The following DPP10 variants were observed in gnomAD, a reference collection of about 807,000 sequenced individuals.
DPP10 encodes the protein inactive dipeptidyl peptidase 10.
In DPP10, 33 loss-of-function variants were observed where a neutral mutation model predicts 120.9. The observed-to-expected ratio is 0.27, with a 90% CI of 0.21 to 0.37. The LOEUF (loss-of-function observed/expected upper bound fraction) is 0.37, where lower values mean the gene tolerates loss of function less well. Among genes scored for constraint, DPP10 ranks in the 10% least tolerant of loss-of-function variants. DPP10 has a pLI of 1.00. For missense variants in DPP10, 816 were observed against 942.8 expected, an observed-to-expected ratio of 0.87 and a Z score of 1.76; for synonymous variants, 337 against 326.1, an observed-to-expected ratio of 1.03 and a Z score of -0.36.
intron 5 of DPP10, among the ~76,000 whole-genome samples, chr2:115,588,155 T>G (rs2082406955): frequency 6.6e-6 from 1 of 152,214 alleles, no homozygotes; most frequent in East Asian, 1.9e-4. Context: ...TTGAATAATT[T>G]CTGCTTATTT....
intron 1 of DPP10, among the ~76,000 whole-genome samples, chr2:115,128,560 G>A (rs918074598): frequency 1.3e-5 from 2 of 152,108 alleles, no homozygotes; most frequent in Non-Finnish European, 2.9e-5. Context: ...AAAATGTTCA[G>A]AAACATTTGG....
chr2:115,450,968 A>G (rs907219479), intron 3 of DPP10, among the ~76,000 whole-genome samples: 4 of 151,904 alleles, frequency 2.6e-5, no homozygotes, highest in Admixed American at 2.0e-4. Flanking sequence ...GAACAATATG[A>G]CTAGTATTCT....
intron 1 of DPP10, among the ~76,000 whole-genome samples, chr2:114,480,171 A>G (rs2104670987): frequency 6.6e-6 from 1 of 151,924 alleles, no homozygotes; most frequent in Non-Finnish European, 1.5e-5. Flanking sequence ...ATCTCACACC[A>G]GTTAGAATGG....
chr2:115,464,147 G>T (rs1487909641), intron 3 of DPP10, among the ~76,000 whole-genome samples: 1 of 152,144 alleles, frequency 6.6e-6, no homozygotes, highest in Non-Finnish European at 1.5e-5. Flanking sequence ...ACCCTGAAAT[G>T]ATTCAAATGA....
chr2:115,759,081 A>C (rs1240303747), intron 11 of DPP10, among the ~76,000 whole-genome samples: 2 of 152,166 alleles, frequency 1.3e-5, no homozygotes. Context: ...ACTTCTCATC[A>C]AAGACACCAT....
chr2:115,173,347 A>G (rs1276700022), intron 1 of DPP10, among the ~76,000 whole-genome samples: 1 of 152,210 alleles, frequency 6.6e-6, no homozygotes, highest in African/African-American at 2.4e-5. Context: ...TTAGTTAAGG[A>G]AAACACAGGA....
In DPP10 at chr2:114,573,080, T is replaced by C. The variant is rs149337878; in HGVS notation, c.60+130242T>C. ...CCCATCGCAGACTTCACCTCCTGGG[T>C]CTAATGATCCTCCCACCTCAGCCTT... is the stretch of plus-strand genomic sequence containing the variant. On this transcript the variant is annotated intron_variant, in intron 1 of 25. Coordinates refer to ENST00000410059, the MANE Select transcript of DPP10 (RefSeq NM_020868.6). Among the ~76,000 whole-genome samples, 17 of 152,276 alleles carry C rather than the reference T, an allele frequency of 1.1e-4. No homozygotes were observed. In the East Asian group the frequency reaches 2.9e-3, roughly 26 times the overall value.
chr2:115,514,797 A>G (rs893648687), intron 4 of DPP10, among the ~76,000 whole-genome samples: 3 of 151,920 alleles, frequency 2.0e-5, no homozygotes, highest in African/African-American at 7.2e-5. Context: ...ACTGTTGCAG[A>G]TGTATATATC....
intron 1 of DPP10, among the ~76,000 whole-genome samples, chr2:115,072,712 T>G (rs1707466146): frequency 6.6e-6 from 1 of 152,204 alleles, no homozygotes. Flanking sequence ...AATTTTCTAT[T>G]TATCCTGTTA....
At chr2:114,491,300 A>T (rs1681978428) in intron 1 of DPP10, among the ~76,000 whole-genome samples, 1 of 152,222 alleles carries the variant, frequency 6.6e-6, no homozygotes. Flanking sequence ...TTTCATTCAT[A>T]ACATAATCTT....
At chr2:114,777,200 T>C (rs1262167994) in intron 1 of DPP10, among the ~76,000 whole-genome samples, 2 of 152,082 alleles carry the variant, frequency 1.3e-5, no homozygotes, top group Non-Finnish European at 2.9e-5. Flanking sequence ...AAACTCTTCT[T>C]AGAATAAGAA....
At chr2:114,558,198 G>A (rs1688476525) in intron 1 of DPP10, among the ~76,000 whole-genome samples, 1 of 152,180 alleles carries the variant, frequency 6.6e-6, no homozygotes, top group South Asian at 2.1e-4. Flanking sequence ...CCAGGCTATT[G>A]CTCCATGTTG....
intron 1 of DPP10, among the ~76,000 whole-genome samples, chr2:114,626,917 T>C (rs183806094): frequency 6.6e-6 from 1 of 152,120 alleles, no homozygotes; most frequent in African/African-American, 2.4e-5. Flanking sequence ...TAGCATATTC[T>C]TCCTATTTTC....
intron 3 of DPP10, among the ~76,000 whole-genome samples, chr2:115,483,271 T>C (rs2075551269): frequency 6.6e-6 from 1 of 152,102 alleles, no homozygotes; most frequent in South Asian, 2.1e-4. Flanking sequence ...TTTGGACATG[T>C]AGGATTTTTA....
At chr2:115,116,582 T>A (rs4449145) in intron 1 of DPP10, among the ~76,000 whole-genome samples, 51,462 of 152,000 alleles carry the variant, frequency 0.34, 9,800 homozygotes, top group Non-Finnish European at 0.42. Context: ...TAGGAAGGAC[T>A]TATTCTTTCT....
intron 7 of DPP10, among the ~76,000 whole-genome samples, chr2:115,697,329 A>G (rs2091646691): frequency 6.6e-6 from 1 of 152,026 alleles, no homozygotes; most frequent in African/African-American, 2.4e-5. Context: ...CATACGCTCT[A>G]TAAGAAACTC....
At chr2:115,430,699 C>T (rs189813268) in intron 3 of DPP10, among the ~76,000 whole-genome samples, 2 of 152,196 alleles carry the variant, frequency 1.3e-5, no homozygotes, top group East Asian at 3.9e-4. Context: ...ATTGAATTTT[C>T]TACCCGAAAA....
intron 1 of DPP10, among the ~76,000 whole-genome samples, chr2:114,756,250 G>A (rs1014417863): frequency 6.6e-6 from 1 of 152,180 alleles, no homozygotes; most frequent in Non-Finnish European, 1.5e-5. Flanking sequence ...AGAAAGACAT[G>A]CATACAAGTT....
chr2:115,470,993 T>C (rs898023273), intron 3 of DPP10, among the ~76,000 whole-genome samples: 1 of 152,208 alleles, frequency 6.6e-6, no homozygotes, highest in Non-Finnish European at 1.5e-5. Context: ...GGAGTATGTC[T>C]CTCTACCTCT....
Sources: gnomAD v4.1 joint callset for allele counts (sites outside exome capture counted in the v4.1 genomes callset) on GRCh38, gnomAD v4.1.1 for gene constraint, MANE v1.5 for transcripts, NCBI Gene and HGNC (gene_info 2026-07-23, HGNC 2026-07-21) for gene names.